CCDC85C: variants seen among roughly 807,000 people sequenced by gnomAD.
CCDC85C encodes coiled-coil domain containing 85C.
A neutral mutation model predicts 38.3 loss-of-function variants in CCDC85C; 18 were observed. The ratio of observed to expected loss-of-function variants is 0.47; its 90% confidence interval spans 0.33 to 0.70. CCDC85C has a LOEUF of 0.70. Ranked by LOEUF, CCDC85C falls within the 30% of genes least tolerant of loss-of-function variation. The pLI is 0.03. For synonymous variants in CCDC85C, 264 were observed against 293.8 expected, an observed-to-expected ratio of 0.90 and a Z score of 1.04; for missense variants, 566 against 621.2, an observed-to-expected ratio of 0.91 and a Z score of 0.94.
At position 99,575,096 on chromosome 14, in the gene CCDC85C, G is replaced by A. The variant is rs529366252; in HGVS notation, c.793+28071C>T. Among the ~76,000 whole-genome samples, 3 of 152,330 alleles carry A rather than the reference G, an allele frequency of 2.0e-5. No individual in the cohort carries two copies. In the East Asian group the frequency reaches 5.8e-4, roughly 29 times the overall value. ...AACGGGGCTTGGTCCCAGCCTCCACGGGGATGGTCAGGGTGCTCTTCCTTC... is the reference window on the plus strand; with the variant it reads ...AACGGGGCTTGGTCCCAGCCTCCACAGGGATGGTCAGGGTGCTCTTCCTTC... On this transcript the variant is annotated intron_variant, in intron 1 of 5. Transcript: ENST00000380243.
chr14:99,506,139 T>A lies in CCDC85C; in HGVS notation c.*9107A>T, dbSNP rs1039688349. On this transcript the variant is annotated 3_prime_UTR_variant, in exon 6 of 6. Transcript: ENST00000380243. ...TGTAGTTGTCCACTTAGAGAGGGGC[T>A]TTGGACTCTGAGGAAGAGGGTGAAG... The A allele has an allele frequency of 1.3e-5, 2 of 152,300 alleles. No homozygotes were observed. Among genetic ancestry groups the A allele is most frequent in the African/African-American group, 4.8e-5 (2 of 41,446 alleles). The allele number at this position is 152,300 out of a possible 1,614,324, so 9.4% of individuals were successfully genotyped here. A position where few individuals can be genotyped will look rare whatever the true frequency, so the allele number is the denominator to read the frequency against.
chr14:99,562,251 T>G (rs950679112), intron 1 of CCDC85C, among the ~76,000 whole-genome samples: 2 of 152,078 alleles, frequency 1.3e-5, no homozygotes, highest in Non-Finnish European at 2.9e-5. Context: ...GGTCCCCAGG[T>G]CCTGCTCCCC....
rs1240787273 is a variant in CCDC85C, at chr14:99,515,346, G to A, written c.1171-11C>T. 4.5e-6 allele frequency: 7 copies of A among 1,546,358 alleles called. No individual in the cohort carries two copies. Among genetic ancestry groups the A allele is most frequent in the East Asian group, 4.9e-5 (2 of 40,884 alleles). ...CTTTCTCCAGACCACCTGTGGAGAG[G>A]AGAGAGATGTGAGTGGTGGGACTCA... On this transcript the variant is annotated splice_polypyrimidine_tract_variant and intron_variant, in intron 5 of 5. Coordinates refer to ENST00000380243, the MANE Select transcript of CCDC85C (RefSeq NM_001144995.2).
At chr14:99,515,632 GC>G (rs201755591) in intron 5 of CCDC85C, among the ~76,000 whole-genome samples, 9 of 151,962 alleles carry the variant, frequency 5.9e-5, no homozygotes, top group Admixed American at 1.3e-4. Context: ...AGAGCCTCTC[GC>G]CCCCCCTTTA....
intron 1 of CCDC85C, among the ~76,000 whole-genome samples, chr14:99,582,371 T>C (rs2054981515): frequency 6.6e-6 from 1 of 152,120 alleles, no homozygotes; most frequent in African/African-American, 2.4e-5. Context: ...CACCTGCGCA[T>C]GTAAAAAGAG....
At chr14:99,592,858 T>C (rs1183955508) in intron 1 of CCDC85C, among the ~76,000 whole-genome samples, 1 of 149,960 alleles carries the variant, frequency 6.7e-6, no homozygotes, top group Non-Finnish European at 1.5e-5. Context: ...CGGAGGGAGG[T>C]CCCCCAGGAG....
rs910992133 is a variant in CCDC85C, at chr14:99,514,321, A to C, written c.*925T>G. 2.0e-5 allele frequency: 3 copies of C among 152,506 alleles called. No individual in the cohort carries two copies. Among genetic ancestry groups the C allele is most frequent in the Admixed American group, 6.5e-5 (1 of 15,268 alleles). 9.4% of individuals were successfully genotyped at this position (152,506 alleles called of 1,614,324 possible). ...CAGAACTCTCATCTGCAGCCTACAC[A>C]GCTCTGTCCACAGGGACCCAAGATG... On this transcript the variant is annotated 3_prime_UTR_variant, in exon 6 of 6. Coordinates refer to ENST00000380243, the MANE Select transcript of CCDC85C (RefSeq NM_001144995.2).
In CCDC85C at chr14:99,522,529, CGAGT is replaced by C. The variant is rs1306413761; in HGVS notation, c.868-293_868-290del. 8.6e-4 allele frequency: 208 copies of C among 240,716 alleles called. 3 individuals are homozygous for C. Among genetic ancestry groups the C allele is most frequent in the Admixed American group, 3.2e-3 (57 of 17,636 alleles). The allele number at this position is 240,716 out of a possible 1,614,324, so 14.9% of individuals were successfully genotyped here. A position where few individuals can be genotyped will look rare whatever the true frequency, so the allele number is the denominator to read the frequency against. ...ATGAATGAAGAAGAGCCAGTGAGAG[CGAGT>C]GAGGAGAGAGTGTCTCTCCCACCCC... On this transcript the variant is annotated intron_variant, in intron 2 of 5. Transcript: ENST00000380243.
chr14:99,533,780 C>G lies in CCDC85C; in HGVS notation c.867+2235G>C, dbSNP rs1457786557. 2.0e-5 allele frequency among the ~76,000 whole-genome samples: 3 copies of G among 152,234 alleles called. No individual in the cohort carries two copies. Among genetic ancestry groups the G allele is most frequent in the Non-Finnish European group, 4.4e-5 (3 of 68,034 alleles). ...GGCTGAAGCTCCCATCTACCTCCACCTGTGCACAGGTGGGTGCAGGGCAGG... is the reference window on the plus strand; with the variant it reads ...GGCTGAAGCTCCCATCTACCTCCACGTGTGCACAGGTGGGTGCAGGGCAGG... On this transcript the variant is annotated intron_variant, in intron 2 of 5. Coordinates refer to ENST00000380243, the MANE Select transcript of CCDC85C (RefSeq NM_001144995.2). The surrounding 1 kb of genome is among the most constrained non-coding windows in gnomAD (Gnocchi z 4.2).
At chr14:99,555,252 G>A (rs941258791) in intron 1 of CCDC85C, among the ~76,000 whole-genome samples, 15 of 152,190 alleles carry the variant, frequency 9.9e-5, no homozygotes, top group East Asian at 1.9e-4. Context: ...GGAGGATGGC[G>A]TGGGCCCTCA....
chr14:99,547,672 G>A (rs1212015772), intron 1 of CCDC85C, among the ~76,000 whole-genome samples: 1 of 152,008 alleles, frequency 6.6e-6, no homozygotes, highest in East Asian at 1.9e-4. Context: ...TACTCAGGAG[G>A]CTGAGGCAGG....
At chr14:99,561,222 GA>G (rs987460837) in intron 1 of CCDC85C, among the ~76,000 whole-genome samples, 6 of 152,214 alleles carry the variant, frequency 3.9e-5, no homozygotes, top group Non-Finnish European at 8.8e-5. Context: ...GGAAAACTCT[GA>G]AAGGTCAGAT....
At position 99,510,490 on chromosome 14, in the gene CCDC85C, C is replaced by T. The variant is rs1288430029; in HGVS notation, c.*4756G>A. 7.2e-6 allele frequency: 9 copies of T among 1,241,730 alleles called. No individual in the cohort carries two copies. Among genetic ancestry groups the T allele is most frequent in the African/African-American group, 3.5e-5 (2 of 57,950 alleles). 76.9% of individuals were successfully genotyped at this position (1,241,730 alleles called of 1,614,324 possible). ...CATGTCTACCCGCCCAACCCGCCCC[C>T]GCCACCTGTGCCTCCTCCCCCAGCC... On this transcript the variant is annotated 3_prime_UTR_variant, in exon 6 of 6. Coordinates refer to ENST00000380243, the MANE Select transcript of CCDC85C (RefSeq NM_001144995.2).
intron 1 of CCDC85C, among the ~76,000 whole-genome samples, chr14:99,542,725 G>A (rs1180379554): frequency 3.3e-5 from 5 of 152,332 alleles, no homozygotes; most frequent in African/African-American, 1.2e-4. Context: ...TACCCAGCAG[G>A]CACTAACCCT....
chr14:99,578,984 T>C (rs1454711458), intron 1 of CCDC85C, among the ~76,000 whole-genome samples: 1 of 152,176 alleles, frequency 6.6e-6, no homozygotes, highest in Non-Finnish European at 1.5e-5. Flanking sequence ...GAGGGTGCTC[T>C]CTTACCAACA....
chr14:99,601,027 A>C (rs1023135705), intron 1 of CCDC85C, among the ~76,000 whole-genome samples: 1 of 152,198 alleles, frequency 6.6e-6, no homozygotes, highest in Admixed American at 6.5e-5. Flanking sequence ...CCTGTCTCGA[A>C]AAAAGGGAAA....
intron 1 of CCDC85C, among the ~76,000 whole-genome samples, chr14:99,575,391 C>T (rs1595095885): frequency 6.6e-6 from 1 of 152,190 alleles, no homozygotes; most frequent in Admixed American, 6.5e-5. Context: ...CTGGCACCAG[C>T]GCCCAGCAAT....
chr14:99,576,301 G>A lies in CCDC85C; in HGVS notation c.793+26866C>T, dbSNP rs968135091. 6.6e-6 allele frequency among the ~76,000 whole-genome samples: 1 copy of A among 152,218 alleles called. No individual in the cohort carries two copies. Among genetic ancestry groups the A allele is most frequent in the Admixed American group, 6.5e-5 (1 of 15,288 alleles). ...TGACCCCATCTAAAATCCAGGGCCA[G>A]GGCCCCTCGAGGGTGGTCCCAAAGG... On this transcript the variant is annotated intron_variant, in intron 1 of 5. Transcript: ENST00000380243. The surrounding 1 kb of genome is among the most constrained non-coding windows in gnomAD (Gnocchi z 4.8).
At chr14:99,515,850 G>T (rs1172076392) in intron 5 of CCDC85C, among the ~76,000 whole-genome samples, 2 of 152,048 alleles carry the variant, frequency 1.3e-5, no homozygotes, top group Admixed American at 1.3e-4. Flanking sequence ...CAAGCTGAGA[G>T]GCCCGGGGGC....
Sources: allele counts gnomAD v4.1 joint callset (sites outside exome capture counted in the v4.1 genomes callset), GRCh38; gene constraint gnomAD v4.1.1; non-coding constraint Gnocchi (gnomAD v3.1); transcripts MANE v1.5; gene names NCBI Gene and HGNC (gene_info 2026-07-23, HGNC 2026-07-21).